EPS8L3: variants seen among roughly 807,000 people sequenced by gnomAD.
EPS8L3 encodes the protein epidermal growth factor receptor kinase substrate 8-like protein 3.
Under a neutral mutation model 88.5 loss-of-function variants are expected in EPS8L3, and 80 were observed. That is an observed-to-expected ratio of 0.90 (90% CI 0.75 to 1.09). The LOEUF is 1.09. Among genes scored for constraint, EPS8L3 ranks in the 50% least tolerant of loss-of-function variants. EPS8L3 has a pLI of 0.00. For synonymous variants in EPS8L3, 286 were observed against 291.0 expected, an observed-to-expected ratio of 0.98 and a Z score of 0.18; for missense variants, 721 against 735.2, an observed-to-expected ratio of 0.98 and a Z score of 0.22.
intron 12 of EPS8L3, 41 bp downstream of exon 12, chr1:109,756,976 C>A: frequency 1.2e-6 from 2 of 1,613,634 alleles, no homozygotes; most frequent in South Asian, 1.1e-5. Flanking sequence ...TGCCTCCATG[C>A]CCCTCACCCC....
chr1:109,761,704 C>T lies in EPS8L3; in HGVS notation c.31+15G>A, dbSNP rs1650983154. The T allele has an allele frequency of 6.2e-7, 1 of 1,613,864 alleles. No individual in the cohort carries two copies. Among genetic ancestry groups the T allele is most frequent in the Non-Finnish European group, 8.5e-7 (1 of 1,179,924 alleles). Reference sequence around the variant, plus strand: ...CAGTGGGAGGGCACGGGAGAGGGGCCTGCCAGGAGCTTACAGTAAATGGCT... The same window carrying T: ...CAGTGGGAGGGCACGGGAGAGGGGCTTGCCAGGAGCTTACAGTAAATGGCT... On this transcript the variant is annotated intron_variant, in intron 2 of 18. Coordinates refer to ENST00000361965, the MANE Select transcript of EPS8L3 (RefSeq NM_133181.4).
intron 1 of EPS8L3, among the ~76,000 whole-genome samples, chr1:109,762,767 G>A (rs1651116378): frequency 6.6e-6 from 1 of 152,228 alleles, no homozygotes; most frequent in South Asian, 2.1e-4. Flanking sequence ...GACGGTAACA[G>A]GCCTGAGGTC....
Position 109,759,764 on chromosome 1 carries a change from T to C in EPS8L3, c.169A>G (p.Met57Val), listed in dbSNP as rs1650715687. Residue 57 changes from methionine (M) to valine (V), a missense_variant, in exon 4 of 19, where the codon ATG becomes GTG. Met to Val is a conservative substitution (Grantham distance 21, BLOSUM62 1). Coordinates refer to ENST00000361965, the MANE Select transcript of EPS8L3 (RefSeq NM_133181.4). The surrounding 1 kb of genome is among the most constrained non-coding windows in gnomAD (Gnocchi z 4.2). ...CTCCACACCCGGCCCTGTGCATCCA[T>C]CTCGAACAGCTTCTGCAAGGCATCC... is the stretch of plus-strand genomic sequence containing the variant. ...PEDALQKLFE[M>V]DAQGRVWSQD... 1 of 1,613,962 alleles carries C rather than the reference T, an allele frequency of 6.2e-7. No individual in the cohort carries two copies. The highest frequency in any genetic ancestry group is 8.5e-7 in the Non-Finnish European group (1 of 1,180,036).
At chr1:109,756,933 A>T in intron 12 of EPS8L3, 84 bp downstream of exon 12, 1 of 1,565,896 alleles carries the variant, frequency 6.4e-7, no homozygotes, top group South Asian at 1.1e-5. Context: ...TTGTGACAAC[A>T]TAGAGCCTGG....
In EPS8L3 at chr1:109,752,627, G is replaced by C. The variant is rs943746753; in HGVS notation, c.1235+59C>G. ...GATGTAGAGAGCCAGAGATCCAAAG[G>C]AACAGCCCTGTCCCTCCCTCCCCAG... On this transcript the variant is annotated intron_variant, in intron 14 of 18. Transcript: ENST00000361965. 18 of 1,474,352 alleles carry C rather than the reference G, an allele frequency of 1.2e-5. No homozygotes were observed. In the African/African-American group the frequency reaches 1.3e-4, roughly 10 times the overall value. The allele number at this position is 1,474,352 out of a possible 1,614,324, so 91.3% of individuals were successfully genotyped here. A position where few individuals can be genotyped will look rare whatever the true frequency, so the allele number is the denominator to read the frequency against.
chr1:109,752,612 G>T, intron 14 of EPS8L3, 74 bp downstream of exon 14: 1 of 1,372,780 alleles, frequency 7.3e-7, no homozygotes, highest in Non-Finnish European at 1.0e-6. Context: ...GATGTAGAGA[G>T]CCAGAGATCC....
chr1:109,761,695 G>A, intron 2 of EPS8L3, 24 bp downstream of exon 2: 1 of 1,613,800 alleles, frequency 6.2e-7, no homozygotes. Context: ...GAGGGCACGG[G>A]AGAGGGGCCT....
chr1:109,750,412 G>C lies in EPS8L3; in HGVS notation c.1771-10C>G. On this transcript the variant is annotated splice_polypyrimidine_tract_variant and intron_variant, in intron 18 of 18. Coordinates refer to ENST00000361965, the MANE Select transcript of EPS8L3 (RefSeq NM_133181.4). ...GTGCCTAAGGGCTTATCTGAGGAAAGACAAAGATTCAGATGAGGCTGATGG... is the reference window on the plus strand; with the variant it reads ...GTGCCTAAGGGCTTATCTGAGGAAACACAAAGATTCAGATGAGGCTGATGG... 2 of 1,613,688 alleles carry C rather than the reference G, an allele frequency of 1.2e-6. No individual in the cohort carries two copies. Among genetic ancestry groups the C allele is most frequent in the Non-Finnish European group, 1.7e-6 (2 of 1,179,802 alleles).
intron 12 of EPS8L3, among the ~76,000 whole-genome samples, chr1:109,753,920 A>G (rs191274648): frequency 1.2e-4 from 19 of 152,284 alleles, no homozygotes; most frequent in African/African-American, 4.6e-4. Context: ...TGCATTGCTC[A>G]TGATTCTTAG....
At position 109,757,555 on chromosome 1, in the gene EPS8L3, C is replaced by T. The variant is rs139223358; in HGVS notation, c.895G>A (p.Gly299Arg). Reference sequence around the variant, plus strand: ...TCCTTCAGCCAGGTGGCCAGCCTTCCCTGGGGACACAGAGCAATGCCTGTC... The same window carrying T: ...TCCTTCAGCCAGGTGGCCAGCCTTCTCTGGGGACACAGAGCAATGCCTGTC... ...QKIKHSFNLL[G>R]RLATWLKETS... The change falls in exon 11 of 19, where the codon GGA becomes AGA. Residue 299 changes from glycine (G) to arginine (R), a missense_variant and splice_region_variant. Transcript: ENST00000361965. 1.9e-6 allele frequency: 3 copies of T among 1,613,506 alleles called. No homozygotes were observed. The African/African-American group carries it at 4.0e-5, about 22-fold the overall frequency.
At position 109,751,649 on chromosome 1, in the gene EPS8L3, A is replaced by G. The variant is rs1649799731; in HGVS notation, c.1563+5T>C. The G allele has an allele frequency of 2.5e-6, 4 of 1,613,964 alleles. No individual in the cohort carries two copies. The highest frequency in any genetic ancestry group is 3.4e-6 in the Non-Finnish European group (4 of 1,179,970). ...GGGCTCTGGATAGTCCAGGCTGGGT[A>G]GTACCCGAGAGGGTGACTGGCCCTG... On this transcript the variant is annotated splice_donor_5th_base_variant and intron_variant, in intron 16 of 18. Transcript: ENST00000361965.
In EPS8L3 at chr1:109,759,624, C is replaced by T; in HGVS notation, c.255+54G>A. The stretch of plus-strand genomic sequence containing the variant: ...GGAGGGTGGAGTTCAAGAGCTAGTG[C>T]TTGCTTCCCCACAGCCCAGGCTGGC... On this transcript the variant is annotated intron_variant, in intron 4 of 18. Transcript: ENST00000361965. This position sits in a 1 kb window ranked among gnomAD's most constrained non-coding sequence, Gnocchi z 4.2. The T allele has an allele frequency of 6.3e-7, 1 of 1,590,254 alleles. No homozygotes were observed.
At chr1:109,758,946 C>T in intron 6 of EPS8L3, 116 bp downstream of exon 6, 1 of 1,144,764 alleles carries the variant, frequency 8.7e-7, no homozygotes. Context: ...CTCCTCAGTC[C>T]AGGCCCAGGT....
chr1:109,751,249 C>A, intron 17 of EPS8L3, 29 bp downstream of exon 17: 2 of 1,607,510 alleles, frequency 1.2e-6, no homozygotes, highest in Non-Finnish European at 1.7e-6. Context: ...AAGTTTCTCC[C>A]TCCATATCCT....
In EPS8L3 at chr1:109,751,367, A is replaced by G. The variant is rs45612540; in HGVS notation, c.1564-16T>C. 0.11 allele frequency: 170,863 copies of G among 1,610,610 alleles called. 9,757 individuals are homozygous for G. Among genetic ancestry groups the G allele is most frequent in the Middle Eastern group, 0.14 (852 of 6,056 alleles). On this transcript the variant is annotated splice_polypyrimidine_tract_variant and intron_variant, in intron 16 of 18. Transcript: ENST00000361965. ...GCATTGGAACCTAGAATCAGGGGGAACCAGGGATCAGAGTCCATCTCATCT... is the reference window on the plus strand; with the variant it reads ...GCATTGGAACCTAGAATCAGGGGGAGCCAGGGATCAGAGTCCATCTCATCT...
chr1:109,754,480 A>C (rs1209105409), intron 12 of EPS8L3, among the ~76,000 whole-genome samples: 2 of 152,198 alleles, frequency 1.3e-5, no homozygotes, highest in Non-Finnish European at 2.9e-5. Context: ...ATTTCTGGTT[A>C]TGTTAAGAAA....
In EPS8L3 at chr1:109,759,517, C is replaced by G. The variant is rs563735177; in HGVS notation, c.256-130G>C. 11 of 1,504,980 alleles carry G rather than the reference C, an allele frequency of 7.3e-6. No homozygotes were observed. The South Asian group carries it at 1.3e-4, about 18-fold the overall frequency. The allele number at this position is 1,504,980 out of a possible 1,614,324, so 93.2% of individuals were successfully genotyped here. On this transcript the variant is annotated intron_variant, in intron 4 of 18. Coordinates refer to ENST00000361965, the MANE Select transcript of EPS8L3 (RefSeq NM_133181.4). This position sits in a 1 kb window ranked among gnomAD's most constrained non-coding sequence, Gnocchi z 4.2. ...TGTCATCTACCTGACTCTTGTGCCT[C>G]TGTCCCCAGCCTCTGTCCCCTGTCT... is the stretch of plus-strand genomic sequence containing the variant.
rs112400349 is a variant in EPS8L3 at position 109,759,981 on chromosome 1, C to A, written c.97-145G>T. ...AGGTTCCAGGCTTCAGATAAAGCAA[C>A]TTTCCAGGGCCAATGTGAGGGACGG... On this transcript the variant is annotated intron_variant, in intron 3 of 18. Transcript: ENST00000361965. This position sits in a 1 kb window ranked among gnomAD's most constrained non-coding sequence, Gnocchi z 4.2. 1 of 806,762 alleles carries A rather than the reference C, an allele frequency of 1.2e-6. No homozygotes were observed. Among genetic ancestry groups the A allele is most frequent in the African/African-American group, 1.7e-5 (1 of 57,950 alleles). The allele number at this position is 806,762 out of a possible 1,614,324, so 50.0% of individuals were successfully genotyped here.
intron 17 of EPS8L3, 33 bp from the exon 18 acceptor site, chr1:109,750,825 G>A: frequency 6.2e-7 from 1 of 1,613,130 alleles, no homozygotes; most frequent in Non-Finnish European, 8.5e-7. Flanking sequence ...CATCCGTGGT[G>A]GGCTGGAAGG....
Sources: allele counts gnomAD v4.1 joint callset (sites outside exome capture counted in the v4.1 genomes callset), GRCh38; gene constraint gnomAD v4.1.1; non-coding constraint Gnocchi (gnomAD v3.1); transcripts MANE v1.5; gene names NCBI Gene and HGNC (gene_info 2026-07-23, HGNC 2026-07-21).